Variants in UBR4 observed in about 807,000 individuals in gnomAD.
The protein encoded by UBR4 is E3 ubiquitin-protein ligase UBR4.
Under a neutral mutation model 575.6 loss-of-function variants are expected in UBR4, and 124 were observed. That is an observed-to-expected ratio of 0.22 (90% CI 0.19 to 0.25). The LOEUF is 0.25. Ranked by LOEUF, UBR4 falls within the 10% of genes least tolerant of loss-of-function variation. The pLI is 1.00. For missense variants in UBR4, 4,818 were observed against 6,478.8 expected (o/e 0.74, Z 8.80); for synonymous variants, 2,455 against 2,473.7 (o/e 0.99, Z 0.22).
chr1:19,098,231 C>G (rs537696644), intron 90 of UBR4, among the ~76,000 whole-genome samples: 1 of 152,286 alleles, frequency 6.6e-6, no homozygotes, highest in Admixed American at 6.5e-5. Context: ...CAGAGAGAAC[C>G]ACCACAGACA....
chr1:19,147,235 T>C (rs965924679), intron 51 of UBR4, among the ~76,000 whole-genome samples: 1 of 152,240 alleles, frequency 6.6e-6, no homozygotes, highest in Non-Finnish European at 1.5e-5. Flanking sequence ...CAAAGTATGA[T>C]GGGAAAATTC....
In UBR4 at chr1:19,143,479, T is replaced by C. The variant is rs190093003; in HGVS notation, c.8179+501A>G. 7.2e-4 allele frequency among the ~76,000 whole-genome samples: 110 copies of C among 152,332 alleles called. 1 individual carries two copies. Among genetic ancestry groups the C allele is most frequent in the African/African-American group, 2.5e-3 (104 of 41,580 alleles). ...ACTGTATTGTGTATTGTGTATTGTG[T>C]ACTGTGTATTGTGAGGGAAATTCCT... On this transcript the variant is annotated intron_variant, in intron 55 of 105. Coordinates refer to ENST00000375254, the MANE Select transcript of UBR4 (RefSeq NM_020765.3).
chr1:19,181,106 A>G (rs765390028), intron 17 of UBR4, among the ~76,000 whole-genome samples: 4 of 152,204 alleles, frequency 2.6e-5, no homozygotes, highest in Admixed American at 6.5e-5. Context: ...TAGGCCGAGC[A>G]CAGTGGCTCA....
chr1:19,101,062 T>A (rs191426149), intron 88 of UBR4, among the ~76,000 whole-genome samples: 1 of 152,014 alleles, frequency 6.6e-6, no homozygotes, highest in South Asian at 2.1e-4. Flanking sequence ...CTTTCCTCAA[T>A]AGCAGGAAGG....
Position 19,117,741 on chromosome 1 carries a change from T to C in UBR4, c.10629+82A>G, listed in dbSNP as rs2080709473. 7.7e-7 allele frequency: 1 copy of C among 1,298,058 alleles called. No individual in the cohort carries two copies. The highest frequency in any genetic ancestry group is 1.2e-5 in the South Asian group (1 of 81,920). The allele number at this position is 1,298,058 out of a possible 1,614,324, so 80.4% of individuals were successfully genotyped here. A position where few individuals can be genotyped will look rare whatever the true frequency, so the allele number is the denominator to read the frequency against. ...CCAACCATTAGGAGAGGAACATCTA[T>C]GTGATAATGATCCATCTCTGGAAAC... On this transcript the variant is annotated intron_variant, in intron 72 of 105. Transcript: ENST00000375254. The surrounding 1 kb of genome is among the most constrained non-coding windows in gnomAD (Gnocchi z 4.0).
chr1:19,097,365 C>G, intron 90 of UBR4, 85 bp from the exon 91 acceptor site: 1 of 1,167,862 alleles, frequency 8.6e-7, no homozygotes, highest in South Asian at 1.7e-5. Flanking sequence ...GCTTAAAGCC[C>G]CAGCAATGTG....
chr1:19,164,572 T>C (rs780030557), intron 32 of UBR4, 131 bp from the exon 33 acceptor site: 19 of 1,182,536 alleles, frequency 1.6e-5, no homozygotes, highest in East Asian at 2.6e-5. Context: ...CTTGGGCTAG[T>C]AGAGCATAAA....
intron 28 of UBR4, 134 bp from the exon 29 acceptor site, chr1:19,167,365 T>C: frequency 1.3e-6 from 1 of 785,648 alleles, no homozygotes; most frequent in South Asian, 1.7e-5. Context: ...TTCCAGTCTT[T>C]TTCCCATGAT....
chr1:19,156,258 A>G lies in UBR4; in HGVS notation c.6072+13T>C. 6.2e-7 allele frequency: 1 copy of G among 1,613,710 alleles called. No individual in the cohort carries two copies. On this transcript the variant is annotated intron_variant, in intron 42 of 105. Transcript: ENST00000375254. ...AATTCTAGGACCATATCATCAAAGA[A>G]CTGTAACTGTACCTTAACAAAGTCT...
Position 19,198,800 on chromosome 1 carries a change from G to A in UBR4, c.507C>T (p.Asp169=), listed in dbSNP as rs190306725. ...KLPQTVKTLS[D]VEDQKELASP... is the part of the protein sequence containing the mutation. The stretch of plus-strand genomic sequence containing the variant: ...CAGATCTGTCAAAGGAACACCCACC[G>A]TCTGAAAGTGTCTTCACTGTTTGGG... Residue 169 remains aspartate (D), a splice_region_variant and synonymous_variant, in exon 4 of 106, where the codon GAC becomes GAT. Transcript: ENST00000375254. The A allele has an allele frequency of 1.1e-4, 174 of 1,614,222 alleles. No individual in the cohort carries two copies. Among genetic ancestry groups the A allele is most frequent in the Middle Eastern group, 3.3e-4 (2 of 6,060 alleles).
In UBR4 at chr1:19,157,681, G is replaced by T; in HGVS notation, c.5760+134C>A. On this transcript the variant is annotated intron_variant, in intron 40 of 105. Transcript: ENST00000375254. The surrounding 1 kb of genome is among the most constrained non-coding windows in gnomAD (Gnocchi z 4.4). ...GTATTTGAAAAGCTCAACAAGATCT[G>T]TCCCTGAAGCATTCTTAGAACGCAG... 8.7e-7 allele frequency: 1 copy of T among 1,144,366 alleles called. No individual in the cohort carries two copies. The highest frequency in any genetic ancestry group is 1.2e-6 in the Non-Finnish European group (1 of 821,008). 70.9% of individuals were successfully genotyped at this position (1,144,366 alleles called of 1,614,324 possible).
At chr1:19,095,298 C>T (rs2077920492) in intron 93 of UBR4, among the ~76,000 whole-genome samples, 1 of 152,180 alleles carries the variant, frequency 6.6e-6, no homozygotes, top group Non-Finnish European at 1.5e-5. Flanking sequence ...TTCCTCTTAT[C>T]TCTGATCTGA....
At chr1:19,151,345 T>A (rs781392645) in intron 48 of UBR4, 202 of 477,646 alleles carry the variant, frequency 4.2e-4, no homozygotes, top group Non-Finnish European at 6.5e-4. Flanking sequence ...TTCATGTCAA[T>A]CTGCCTCCTC....
chr1:19,078,122 G>A, intron 103 of UBR4, 56 bp from the exon 104 acceptor site: 2 of 1,563,344 alleles, frequency 1.3e-6, no homozygotes, highest in East Asian at 2.3e-5. Context: ...TACTCACAAG[G>A]ACAGAGCAAG....
intron 14 of UBR4, among the ~76,000 whole-genome samples, 165 bp downstream of exon 14, chr1:19,186,375 A>T (rs1032508104): frequency 6.6e-6 from 1 of 152,214 alleles, no homozygotes; most frequent in African/African-American, 2.4e-5. Flanking sequence ...ACTTGCTCTT[A>T]AATAACATGT....
At chr1:19,151,406 T>G in intron 48 of UBR4, 1 of 596,594 alleles carries the variant, frequency 1.7e-6, no homozygotes, top group Non-Finnish European at 3.1e-6. Context: ...ACAACACTAT[T>G]GAAATGAATA....
At position 19,163,826 on chromosome 1, in the gene UBR4, T is replaced by C. The variant is rs781376331; in HGVS notation, c.4702A>G (p.Lys1568Glu). The change falls in exon 34 of 106, where the codon AAG (lysine) becomes GAG (glutamate). Residue 1568 changes from lysine (K) to glutamate (E), a missense_variant and splice_region_variant. Lys to Glu is a moderately conservative substitution (Grantham distance 56, BLOSUM62 1). Transcript: ENST00000375254. ...NAAVDWLSRC[K>E]KYLSQKNVVE... ...ACATTCTTCTGTGACAGGTATTTCT[T>C]GCTGTCCCAAAGAAAAAAAAGAGGG... 1 of 1,614,096 alleles carries C rather than the reference T, an allele frequency of 6.2e-7. No homozygotes were observed.
chr1:19,148,159 C>T (rs372750735), intron 50 of UBR4, 32 bp from the exon 51 acceptor site: 5 of 1,585,862 alleles, frequency 3.2e-6, no homozygotes, highest in Non-Finnish European at 4.3e-6. Flanking sequence ...TTATCACTAA[C>T]CCCACCAACT....
rs1454155942 is a variant in UBR4 at position 19,104,077 on chromosome 1, G to A, written c.12901+7C>T. 1.9e-6 allele frequency: 3 copies of A among 1,613,980 alleles called. No homozygotes were observed. The highest frequency in any genetic ancestry group is 2.5e-6 in the Non-Finnish European group (3 of 1,179,932). On this transcript the variant is annotated splice_region_variant and intron_variant, in intron 87 of 105. Coordinates refer to ENST00000375254, the MANE Select transcript of UBR4 (RefSeq NM_020765.3). ...GCCTTAGGCTCCAGGCCACTGGGCA[G>A]TGCTACCTGTGGTCATGTCCTCCAG...
Sources: gnomAD v4.1 joint callset for allele counts (sites outside exome capture counted in the v4.1 genomes callset) on GRCh38, gnomAD v4.1.1 for gene constraint, Gnocchi (gnomAD v3.1) non-coding constraint, MANE v1.5 for transcripts, NCBI Gene and HGNC (gene_info 2026-07-23, HGNC 2026-07-21) for gene names.